Variants in DOCK3 observed in about 807,000 individuals in gnomAD.
DOCK3 encodes the protein dedicator of cytokinesis protein 3.
In DOCK3, 60 loss-of-function variants were observed where a neutral mutation model predicts 265.6. That is an observed-to-expected ratio of 0.23 (90% CI 0.18 to 0.28). The LOEUF is 0.28. DOCK3 is among the 10% of genes least tolerant of loss of function. DOCK3 has a pLI of 1.00. For synonymous variants in DOCK3, 881 were observed against 938.0 expected (o/e 0.94, Z 1.11); for missense variants, 1,981 against 2,594.3 (o/e 0.76, Z 5.14).
intron 23 of DOCK3, among the ~76,000 whole-genome samples, chr3:51,262,963 C>G (rs934154684): frequency 2.0e-5 from 3 of 152,158 alleles, no homozygotes; most frequent in Non-Finnish European, 4.4e-5. Context: ...CTGAAAGTGA[C>G]AGGGAGAATG....
chr3:51,158,711 T>G (rs2085981403), intron 10 of DOCK3, among the ~76,000 whole-genome samples: 1 of 152,198 alleles, frequency 6.6e-6, no homozygotes, highest in Admixed American at 6.5e-5. Context: ...ATATCAGAAT[T>G]TAGAAATAGA....
chr3:51,241,032 T>G (rs1176016967), intron 21 of DOCK3, among the ~76,000 whole-genome samples: 1 of 152,242 alleles, frequency 6.6e-6, no homozygotes, highest in Non-Finnish European at 1.5e-5. Context: ...CACTGGTCTG[T>G]GTACTTGTGT....
At chr3:51,284,823 C>T (rs1438777143) in intron 27 of DOCK3, among the ~76,000 whole-genome samples, 1 of 152,158 alleles carries the variant, frequency 6.6e-6, no homozygotes, top group South Asian at 2.1e-4. Context: ...AGCTCCCACC[C>T]AAGAGACTAT....
At chr3:51,191,096 G>A (rs1430773591) in intron 12 of DOCK3, among the ~76,000 whole-genome samples, 2 of 152,094 alleles carry the variant, frequency 1.3e-5, no homozygotes, top group Non-Finnish European at 2.9e-5. Context: ...GTTCCAGGCT[G>A]TCTACACTCA....
intron 21 of DOCK3, among the ~76,000 whole-genome samples, chr3:51,245,377 C>A (rs1305155925): frequency 1.4e-5 from 2 of 145,258 alleles, no homozygotes; most frequent in Admixed American, 1.4e-4. Context: ...AATAAGAAAT[C>A]ACCATTTTCT....
intron 5 of DOCK3, among the ~76,000 whole-genome samples, chr3:51,013,883 C>T (rs1480637801): frequency 5.3e-5 from 8 of 152,192 alleles, no homozygotes; most frequent in Non-Finnish European, 1.0e-4. Flanking sequence ...CAATGGCGGA[C>T]GCCCCTCCCC....
At chr3:51,348,459 T>C (rs1403217182) in intron 38 of DOCK3, among the ~76,000 whole-genome samples, 1 of 152,266 alleles carries the variant, frequency 6.6e-6, no homozygotes, top group East Asian at 1.9e-4. Flanking sequence ...TTCTAGTCTC[T>C]GAGAACAAAA....
intron 9 of DOCK3, among the ~76,000 whole-genome samples, chr3:51,111,877 A>G (rs932553881): frequency 2.6e-5 from 4 of 151,880 alleles, no homozygotes; most frequent in Admixed American, 1.3e-4. Flanking sequence ...AACAACTTCA[A>G]TATAAAGTAG....
intron 4 of DOCK3, among the ~76,000 whole-genome samples, chr3:50,930,808 G>T (rs1159686311): frequency 6.6e-6 from 1 of 152,196 alleles, no homozygotes; most frequent in East Asian, 1.9e-4. Flanking sequence ...AGAGGCCCAG[G>T]AACCCAGTGC....
intron 9 of DOCK3, among the ~76,000 whole-genome samples, chr3:51,111,753 C>CT (rs2083529003): frequency 6.6e-6 from 1 of 152,128 alleles, no homozygotes; most frequent in African/African-American, 2.4e-5. Context: ...GGAAAAGAAA[C>CT]TATCAACAGA....
chr3:51,113,915 C>T (rs893098149), intron 9 of DOCK3, among the ~76,000 whole-genome samples: 1 of 152,042 alleles, frequency 6.6e-6, no homozygotes, highest in Non-Finnish European at 1.5e-5. Context: ...AGTTTGAGAT[C>T]AGCCTGGGCA....
At chr3:50,836,419 G>C (rs1434497958) in intron 2 of DOCK3, among the ~76,000 whole-genome samples, 1 of 152,192 alleles carries the variant, frequency 6.6e-6, no homozygotes, top group East Asian at 1.9e-4. Flanking sequence ...AGCTGCCAAG[G>C]CATGGAGCTT....
chr3:50,941,441 G>A (rs1210104350), intron 5 of DOCK3, among the ~76,000 whole-genome samples: 2 of 152,050 alleles, frequency 1.3e-5, no homozygotes, highest in African/African-American at 4.8e-5. Flanking sequence ...ATGTGGATCT[G>A]CATCTCTCAT....
At chr3:51,039,276 G>A (rs548348940) in intron 5 of DOCK3, among the ~76,000 whole-genome samples, 2 of 152,262 alleles carry the variant, frequency 1.3e-5, no homozygotes, top group Admixed American at 1.3e-4. Flanking sequence ...GATTATAGGG[G>A]TGAGCCACCG....
At chr3:51,294,417 G>A (rs1447536709) in intron 27 of DOCK3, among the ~76,000 whole-genome samples, 1 of 152,146 alleles carries the variant, frequency 6.6e-6, no homozygotes, top group Non-Finnish European at 1.5e-5. Flanking sequence ...AGTAGCTCAA[G>A]CCTGTAATTC....
chr3:50,792,668 C>T (rs555728514), intron 2 of DOCK3, among the ~76,000 whole-genome samples: 5 of 152,262 alleles, frequency 3.3e-5, no homozygotes, highest in African/African-American at 1.2e-4. Flanking sequence ...TACCAAAAGC[C>T]TTTTCTGCAT....
intron 12 of DOCK3, among the ~76,000 whole-genome samples, chr3:51,174,532 ATTTCT>A (rs1437908375): frequency 1.3e-5 from 2 of 151,970 alleles, no homozygotes; most frequent in East Asian, 3.9e-4. Context: ...TTATTTCCTG[ATTTCT>A]TTTAGTTATC....
chr3:50,982,564 C>T (rs987498679), intron 5 of DOCK3, among the ~76,000 whole-genome samples: 1 of 152,204 alleles, frequency 6.6e-6, no homozygotes, highest in African/African-American at 2.4e-5. Context: ...GCCTCCACCA[C>T]TCCAGACCCT....
At chr3:51,089,412 G>T in intron 8 of DOCK3, 128 bp downstream of exon 8, 1 of 1,174,908 alleles carries the variant, frequency 8.5e-7, no homozygotes. Flanking sequence ...CTTTATCTGA[G>T]GAGCTTTGAC....
Sources: gnomAD v4.1 joint callset for allele counts (sites outside exome capture counted in the v4.1 genomes callset) on GRCh38, gnomAD v4.1.1 for gene constraint, MANE v1.5 for transcripts, NCBI Gene and HGNC (gene_info 2026-07-23, HGNC 2026-07-21) for gene names.